Variants in PCDH19 observed in about 807,000 individuals in gnomAD.
The protein encoded by PCDH19 is protocadherin 19.
In PCDH19, 6 loss-of-function variants were observed where a neutral mutation model predicts 46.2. The ratio of observed to expected loss-of-function variants is 0.13; its 90% confidence interval spans 0.07 to 0.26. PCDH19 has a LOEUF of 0.26. Ranked by LOEUF, PCDH19 falls within the 10% of genes least tolerant of loss-of-function variation. The probability of loss-of-function intolerance (pLI) is 1.00; values close to 1 mark genes in which losing one functional copy is unlikely to be tolerated. For missense variants in PCDH19, 740 were observed against 972.3 expected, an observed-to-expected ratio of 0.76 and a Z score of 3.18; for synonymous variants, 481 against 415.7, an observed-to-expected ratio of 1.16 and a Z score of -1.91.
intron 5 of PCDH19, among the ~76,000 whole-genome samples, chrX:100,324,902 T>C (rs1254985351): frequency 9.0e-6 from 1 of 111,091 alleles, no homozygotes; most frequent in Non-Finnish European, 1.9e-5. Flanking sequence ...GTACTACCAG[T>C]ATCCTCCATT....
chrX:100,296,706 G>A lies in PCDH19; in HGVS notation c.3018C>T (p.Asp1006=), dbSNP rs16983426. The A allele has an allele frequency of 2.7e-3, 3,253 of 1,209,196 alleles. 36 individuals are homozygous for A. The African/African-American group carries it at 0.045, about 17-fold the overall frequency. ...EATAADVEAY[D]DCGPTKRTFA... ...AAGTCCGTTTGGTGGGGCCGCAGTC[G>A]TCATAAGCCTCGACATCAGCAGCAG... is the stretch of plus-strand genomic sequence containing the variant. The change falls in exon 6 of 6, where the codon GAC becomes GAT. Residue 1006 remains aspartate (D), a synonymous_variant. Coordinates refer to ENST00000373034, the MANE Select transcript of PCDH19 (RefSeq NM_001184880.2).
At chrX:100,323,221 C>A (rs1197211745) in intron 5 of PCDH19, among the ~76,000 whole-genome samples, 1 of 110,733 alleles carries the variant, frequency 9.0e-6, no homozygotes, top group Non-Finnish European at 1.9e-5. Context: ...ATCAAACATG[C>A]CCCTGAGCTA....
At chrX:100,398,668 G>A (rs1928091450) in intron 3 of PCDH19, among the ~76,000 whole-genome samples, 1 of 112,034 alleles carries the variant, frequency 8.9e-6, no homozygotes, top group Admixed American at 9.5e-5. Context: ...AAACTTATTT[G>A]GAATCTCCAT....
intron 5 of PCDH19, among the ~76,000 whole-genome samples, chrX:100,307,697 G>A (rs915945017): frequency 3.5e-4 from 39 of 111,377 alleles, no homozygotes; most frequent in Middle Eastern, 4.6e-3. Context: ...ATTCAGCAAA[G>A]TTTCAGGATA....
chrX:100,373,049 G>A (rs112374532), intron 3 of PCDH19, among the ~76,000 whole-genome samples: 1 of 112,097 alleles, frequency 8.9e-6, no homozygotes, highest in Non-Finnish European at 1.9e-5. Flanking sequence ...TTGCTCTGTC[G>A]CCAGGCTGGA....
At chrX:100,392,803 A>G (rs192887795) in intron 3 of PCDH19, among the ~76,000 whole-genome samples, 1 of 111,838 alleles carries the variant, frequency 8.9e-6, no homozygotes, top group East Asian at 2.8e-4. Flanking sequence ...AAGCATGTCA[A>G]GTTTCAAATA....
intron 5 of PCDH19, among the ~76,000 whole-genome samples, chrX:100,313,465 A>T (rs1313280373): frequency 8.9e-6 from 1 of 112,222 alleles, no homozygotes; most frequent in Non-Finnish European, 1.9e-5. Flanking sequence ...ACTCTAGCAT[A>T]AAAATATTCT....
At position 100,344,231 on chromosome X, in the gene PCDH19, ACAGCTAACT is replaced by A. The variant is rs1307312554; in HGVS notation, c.2676-2165_2676-2157del. On this transcript the variant is annotated intron_variant, in intron 4 of 5. Coordinates refer to ENST00000373034, the MANE Select transcript of PCDH19 (RefSeq NM_001184880.2). The stretch of plus-strand genomic sequence containing the variant: ...ACTCAGCTCCTTCAATTTATGTCAC[ACAGCTAACT>A]CAGCCTTATGGACCCACCAGGATGC... Among the ~76,000 whole-genome samples the A allele has an allele frequency of 2.7e-5, 3 of 112,022 alleles. No homozygotes were observed. The Admixed American group carries it at 2.8e-4, about 11-fold the overall frequency.
chrX:100,406,010 G>A (rs1214537514), intron 1 of PCDH19, among the ~76,000 whole-genome samples: 1 of 110,827 alleles, frequency 9.0e-6, no homozygotes, highest in African/African-American at 3.3e-5. Context: ...CAACAAGACA[G>A]GGTAGCTGCC....
At chrX:100,355,775 T>G (rs917934209) in intron 3 of PCDH19, among the ~76,000 whole-genome samples, 2 of 111,448 alleles carry the variant, frequency 1.8e-5, no homozygotes, top group East Asian at 5.6e-4. Context: ...AGTAAGACGT[T>G]TGGGTGGGGG....
chrX:100,404,770 G>A (rs1292687529), intron 1 of PCDH19, among the ~76,000 whole-genome samples: 1 of 111,113 alleles, frequency 9.0e-6, no homozygotes, highest in Non-Finnish European at 1.9e-5. Flanking sequence ...ATCAAGGAAA[G>A]GATCTTATGC....
In PCDH19 at chrX:100,407,228, T is replaced by A; in HGVS notation, c.1370A>T (p.Tyr457Phe). 1 of 1,211,199 alleles carries A rather than the reference T, an allele frequency of 8.3e-7. No homozygotes were observed. The highest frequency in any genetic ancestry group is 1.1e-6 in the Non-Finnish European group (1 of 895,377). ...NDNHPHFSKP[Y>F]YQVIVQENNT... ...GTTCTCCTGCACAATGACCTGGTAG[T>A]AGGGCTTGGAAAAGTGCGGGTGGTT... The change falls in exon 1 of 6, where the codon TAC (tyrosine) becomes TTC (phenylalanine). Residue 457 changes from tyrosine to phenylalanine, a missense_variant. By Grantham distance (22) the Tyr-to-Phe change is conservative (BLOSUM62 3). Coordinates refer to ENST00000373034, the MANE Select transcript of PCDH19 (RefSeq NM_001184880.2).
intron 3 of PCDH19, among the ~76,000 whole-genome samples, chrX:100,371,861 CACACA>C (rs1267877858): frequency 1.1e-3 from 115 of 105,986 alleles, no homozygotes; most frequent in African/African-American, 4.0e-3. Flanking sequence ...CACACACACA[CACACA>C]CACACACACA....
chrX:100,305,652 C>T (rs1035881774), intron 5 of PCDH19, among the ~76,000 whole-genome samples: 3 of 111,710 alleles, frequency 2.7e-5, no homozygotes, highest in South Asian at 3.7e-4. Flanking sequence ...TCACCAACCA[C>T]GTTTCTGCTG....
chrX:100,384,794 G>A (rs1373176617), intron 3 of PCDH19, among the ~76,000 whole-genome samples: 1 of 111,493 alleles, frequency 9.0e-6, no homozygotes. Flanking sequence ...TGGAATTGCT[G>A]GGTCAAAGTG....
intron 4 of PCDH19, among the ~76,000 whole-genome samples, chrX:100,345,035 T>C (rs1345479708): frequency 9.1e-6 from 1 of 110,321 alleles, no homozygotes; most frequent in African/African-American, 3.3e-5. Context: ...ACTTCATCTG[T>C]GTGACCCTGG....
intron 5 of PCDH19, among the ~76,000 whole-genome samples, chrX:100,308,252 A>C: frequency 9.0e-6 from 1 of 111,142 alleles, no homozygotes. Context: ...CAGCCAACTG[A>C]TCTTCAACAA....
At chrX:100,389,587 A>T (rs1275279508) in intron 3 of PCDH19, among the ~76,000 whole-genome samples, 1 of 111,554 alleles carries the variant, frequency 9.0e-6, no homozygotes, top group Non-Finnish European at 1.9e-5. Context: ...AGGCTATGTT[A>T]ATTAGTTTGA....
Position 100,408,695 on chromosome X carries a change from G to C in PCDH19, c.-98C>G. ...CCCGCCGGCTCGGGCCGCCTGTTGCGCGCGCCCCGTGGCCCCGGAGGCCGC... is the reference window on the plus strand; with the variant it reads ...CCCGCCGGCTCGGGCCGCCTGTTGCCCGCGCCCCGTGGCCCCGGAGGCCGC... On this transcript the variant is annotated 5_prime_UTR_variant, in exon 1 of 6. Coordinates refer to ENST00000373034, the MANE Select transcript of PCDH19 (RefSeq NM_001184880.2). 1 of 795,524 alleles carries C rather than the reference G, an allele frequency of 1.3e-6. No individual in the cohort carries two copies. Among genetic ancestry groups the C allele is most frequent in the Non-Finnish European group, 1.8e-6 (1 of 556,149 alleles). 65.6% of individuals were successfully genotyped at this position (795,524 alleles called of 1,213,427 possible).
Sources: gnomAD v4.1 joint callset for allele counts (sites outside exome capture counted in the v4.1 genomes callset) on GRCh38, gnomAD v4.1.1 for gene constraint, MANE v1.5 for transcripts, NCBI Gene and HGNC (gene_info 2026-07-23, HGNC 2026-07-21) for gene names.